The following TRIM40 variants were observed in gnomAD, a reference collection of about 807,000 sequenced individuals.
The protein encoded by TRIM40 is E3 ubiquitin ligase TRIM40.
TRIM40 carries 27 observed loss-of-function variants against 26.1 expected under a neutral mutation model. The observed-to-expected ratio is 1.04, with a 90% CI of 0.76 to 1.43. The LOEUF is 1.43. Ranked by LOEUF, TRIM40 falls within the 40% of genes most tolerant of loss-of-function variation. TRIM40 has a pLI of 0.00. For synonymous variants in TRIM40, 114 were observed against 120.0 expected, an observed-to-expected ratio of 0.95 and a Z score of 0.33; for missense variants, 289 against 307.9, an observed-to-expected ratio of 0.94 and a Z score of 0.46.
intron 2 of TRIM40, among the ~76,000 whole-genome samples, chr6:30,140,910 G>A: frequency 6.6e-6 from 1 of 152,130 alleles, no homozygotes; most frequent in East Asian, 1.9e-4. Context: ...TACATACGCA[G>A]CTGGATCACA....
intron 2 of TRIM40, 39 bp downstream of exon 2, chr6:30,137,420 T>C: frequency 1.3e-6 from 2 of 1,566,008 alleles, no homozygotes. Flanking sequence ...TGCCTCCACC[T>C]CGCTGAGGTG....
In TRIM40 at chr6:30,146,032, C is replaced by T; in HGVS notation, c.384C>T (p.Asp128=). The change falls in exon 3 of 6, where the codon GAC becomes GAT. Residue 128 remains aspartate (D), a synonymous_variant. Coordinates refer to ENST00000396581, the MANE Select transcript of TRIM40 (RefSeq NM_001286633.2). ...GCCGGAGCAGGAAGCTCAGAAAGGA[C>T]ATTGCAGAACTTCAGCGGCTCAAGG... The part of the protein sequence containing the change: ...LNRRSRKLRK[D]IAELQRLKAQ... The T allele has an allele frequency of 6.2e-7, 1 of 1,613,066 alleles. No homozygotes were observed. Among genetic ancestry groups the T allele is most frequent in the Non-Finnish European group, 8.5e-7 (1 of 1,180,042 alleles).
Position 30,142,657 on chromosome 6 carries a change from C to T in TRIM40, c.346-3337C>T, listed in dbSNP as rs150425117. 1.6e-4 allele frequency among the ~76,000 whole-genome samples: 24 copies of T among 152,018 alleles called. No individual in the cohort carries two copies. The East Asian group carries it at 4.6e-3, about 29-fold the overall frequency. On this transcript the variant is annotated intron_variant, in intron 2 of 5. Transcript: ENST00000396581. The stretch of plus-strand genomic sequence containing the variant: ...AAATTTGTTTAATATGAGTGTGCTG[C>T]TCTGTTTTATTTTTAAAGGTTTATT...
At chr6:30,142,156 T>G (rs1170588224) in intron 2 of TRIM40, among the ~76,000 whole-genome samples, 1 of 152,222 alleles carries the variant, frequency 6.6e-6, no homozygotes, top group African/African-American at 2.4e-5. Context: ...TTAAACTTTG[T>G]AGTTAAGTAT....
rs139605760 is a variant in TRIM40, at chr6:30,144,416, C to G, written c.346-1578C>G. Among the ~76,000 whole-genome samples the G allele has an allele frequency of 8.7e-3, 1,319 of 152,210 alleles. 8 individuals are homozygous for G. The highest frequency in any genetic ancestry group is 0.027 in the Middle Eastern group (8 of 294). On this transcript the variant is annotated intron_variant, in intron 2 of 5. Transcript: ENST00000396581. Reference sequence around the variant, plus strand: ...ACAGGGCAGTAGGCAGCACTTAGCTCTCACTTGGAAGCATGAGATGGATTG... The same window carrying G: ...ACAGGGCAGTAGGCAGCACTTAGCTGTCACTTGGAAGCATGAGATGGATTG...
At position 30,147,509 on chromosome 6, in the gene TRIM40, C is replaced by T. The variant is rs1348913492; in HGVS notation, c.667-11C>T. ...GAACCAATTATGATTCTCACTTTTT[C>T]TCTCTCCTAGAATGCTGGTGACTTA... is the stretch of plus-strand genomic sequence containing the variant. On this transcript the variant is annotated splice_polypyrimidine_tract_variant and intron_variant, in intron 4 of 5. Transcript: ENST00000396581. 3.1e-6 allele frequency: 5 copies of T among 1,613,886 alleles called. No individual in the cohort carries two copies. The highest frequency in any genetic ancestry group is 4.2e-6 in the Non-Finnish European group (5 of 1,180,014).
chr6:30,140,217 T>A (rs1479868409), intron 2 of TRIM40, among the ~76,000 whole-genome samples: 1 of 152,226 alleles, frequency 6.6e-6, no homozygotes, highest in Non-Finnish European at 1.5e-5. Context: ...ATCCCATTAC[T>A]GGGTATATAC....
Position 30,136,973 on chromosome 6 carries a change from CT to C in TRIM40, c.-62del, listed in dbSNP as rs1771037324. 6.5e-7 allele frequency: 1 copy of C among 1,532,350 alleles called. No individual in the cohort carries two copies. The highest frequency in any genetic ancestry group is 1.8e-5 in the Admixed American group (1 of 55,222). The allele number at this position is 1,532,350 out of a possible 1,614,324, so 94.9% of individuals were successfully genotyped here. On this transcript the variant is annotated 5_prime_UTR_variant, in exon 2 of 6. Transcript: ENST00000396581. ...TCTGGGACTGTTGAGGGCAACAGGC[CT>C]TCCGAAGACCAGTGAAGAAGGAGGC...
Position 30,141,927 on chromosome 6 carries a change from G to A in TRIM40, c.346-4067G>A, listed in dbSNP as rs112995022. 3.3e-4 allele frequency among the ~76,000 whole-genome samples: 51 copies of A among 152,262 alleles called. 1 individual carries two copies. The highest frequency in any genetic ancestry group is 1.2e-3 in the African/African-American group (50 of 41,528). ...AACATGTTTCAGGAGGCTGCCTGAG[G>A]ACAGACAGCAAACAAGAAGGTGATG... On this transcript the variant is annotated intron_variant, in intron 2 of 5. Transcript: ENST00000396581.
chr6:30,136,975 T>G lies in TRIM40; in HGVS notation c.-62T>G. ...TGGGACTGTTGAGGGCAACAGGCCTTCCGAAGACCAGTGAAGAAGGAGGCC... is the reference window on the plus strand; with the variant it reads ...TGGGACTGTTGAGGGCAACAGGCCTGCCGAAGACCAGTGAAGAAGGAGGCC... On this transcript the variant is annotated 5_prime_UTR_variant, in exon 2 of 6. Coordinates refer to ENST00000396581, the MANE Select transcript of TRIM40 (RefSeq NM_001286633.2). 1 of 1,541,232 alleles carries G rather than the reference T, an allele frequency of 6.5e-7. No individual in the cohort carries two copies. Among genetic ancestry groups the G allele is most frequent in the Non-Finnish European group, 8.8e-7 (1 of 1,134,898 alleles).
intron 2 of TRIM40, 87 bp from the exon 3 acceptor site, chr6:30,145,907 C>T (rs1445209845): frequency 4.2e-6 from 4 of 951,500 alleles, no homozygotes; most frequent in Admixed American, 4.0e-5. Context: ...ATTCTGGGAT[C>T]AGGCCCCCTA....
Position 30,143,054 on chromosome 6 carries a change from T to C in TRIM40, c.346-2940T>C, listed in dbSNP as rs369715275. Among the ~76,000 whole-genome samples the C allele has an allele frequency of 6.6e-5, 10 of 152,234 alleles. No individual in the cohort carries two copies. In the East Asian group the frequency reaches 9.6e-4, roughly 15 times the overall value. ...CATAGATCATTCCATAAGATTTTAA[T>C]GGTTATTGCATTAAATTTGTTGATT... On this transcript the variant is annotated intron_variant, in intron 2 of 5. Coordinates refer to ENST00000396581, the MANE Select transcript of TRIM40 (RefSeq NM_001286633.2).
At chr6:30,138,814 G>C (rs1771166494) in intron 2 of TRIM40, among the ~76,000 whole-genome samples, 1 of 152,186 alleles carries the variant, frequency 6.6e-6, no homozygotes, top group African/African-American at 2.4e-5. Flanking sequence ...AGGTAGCTTT[G>C]AGATACTTGA....
chr6:30,142,054 T>C (rs9261490), intron 2 of TRIM40, among the ~76,000 whole-genome samples: 33,428 of 151,998 alleles, frequency 0.22, 4,016 homozygotes, highest in Admixed American at 0.25. Flanking sequence ...ATGGTGGACC[T>C]TATGTGTACT....
chr6:30,139,339 CT>C (rs9278591), intron 2 of TRIM40, among the ~76,000 whole-genome samples: 5,589 of 77,738 alleles, frequency 0.072, 62 homozygotes, highest in Middle Eastern at 0.11. Context: ...ACTTTTTTTT[CT>C]TTTTTTTTTT....
intron 4 of TRIM40, 103 bp downstream of exon 4, chr6:30,147,312 G>T: frequency 7.0e-7 from 1 of 1,430,676 alleles, no homozygotes; most frequent in South Asian, 1.2e-5. Context: ...GGGCCTGTGT[G>T]ATATGTGGTG....
At position 30,147,622 on chromosome 6, in the gene TRIM40, C is replaced by T; in HGVS notation, c.689+80C>T. 29 of 1,611,490 alleles carry T rather than the reference C, an allele frequency of 1.8e-5. No homozygotes were observed. The South Asian group carries it at 3.2e-4, about 18-fold the overall frequency. The stretch of plus-strand genomic sequence containing the variant: ...GACATGCACAGAGGTCAAGGAGACC[C>T]ACTGCTCCGTTAGCTTTTGTATCTT... On this transcript the variant is annotated intron_variant, in intron 5 of 5. Transcript: ENST00000396581.
rs2857458 is a variant in TRIM40 at position 30,137,006 on chromosome 6, A to G, written c.-31A>G. 450,080 of 1,594,162 alleles carry G rather than the reference A, an allele frequency of 0.28. 64,557 individuals carry two copies. The highest frequency in any genetic ancestry group is 0.3 in the Admixed American group (17,649 of 58,874). On this transcript the variant is annotated 5_prime_UTR_variant, in exon 2 of 6. Coordinates refer to ENST00000396581, the MANE Select transcript of TRIM40 (RefSeq NM_001286633.2). ...GACCAGTGAAGAAGGAGGCCCTGCA[A>G]ACAGGAGGCTGACAGGGTAGGAACG... is the stretch of plus-strand genomic sequence containing the variant.
At chr6:30,142,099 A>AG (rs1771383677) in intron 2 of TRIM40, among the ~76,000 whole-genome samples, 1 of 144,778 alleles carries the variant, frequency 6.9e-6, no homozygotes, top group Non-Finnish European at 1.6e-5. Context: ...GAAATTAAGG[A>AG]GGGTTTTTTT....
Sources: gnomAD v4.1 joint callset for allele counts (sites outside exome capture counted in the v4.1 genomes callset) on GRCh38, gnomAD v4.1.1 for gene constraint, MANE v1.5 for transcripts, NCBI Gene and HGNC (gene_info 2026-07-23, HGNC 2026-07-21) for gene names.